BRCA1: variants seen among roughly 807,000 people sequenced by gnomAD.
BRCA1 encodes BRCA1 DNA repair associated, also known as breast cancer type 1 susceptibility protein.
In BRCA1, 140 loss-of-function variants were observed where a neutral mutation model predicts 173.7. That is an observed-to-expected ratio of 0.81 (90% CI 0.70 to 0.93). The LOEUF (loss-of-function observed/expected upper bound fraction) is 0.93, where lower values mean the gene tolerates loss of function less well. Among genes scored for constraint, BRCA1 ranks in the 40% least tolerant of loss-of-function variants. The pLI is 0.00. For missense variants in BRCA1, 1,983 were observed against 2,172.5 expected, an observed-to-expected ratio of 0.91 and a Z score of 1.73; for synonymous variants, 662 against 756.0, an observed-to-expected ratio of 0.88 and a Z score of 2.04.
At chr17:43,163,321 A>G (rs2056248050) in intron 1 of BRCA1, 1 of 152,214 alleles carries the variant, frequency 6.6e-6, no homozygotes, top group Non-Finnish European at 1.5e-5. Context: ...GAGTGTAAAG[A>G]GTTTTGTCAG....
Position 43,100,675 on chromosome 17 carries a change from T to TA in BRCA1, c.442-796dup, listed in dbSNP as rs1567807687. On this transcript the variant is annotated intron_variant, in intron 6 of 22. Transcript: ENST00000357654. ...TATATAACATATATATATATATATA[T>TA]ATAATATATATATATATATATATAT... is the stretch of plus-strand genomic sequence containing the variant. 9.6e-4 allele frequency among the ~76,000 whole-genome samples: 15 copies of TA among 15,546 alleles called. 1 individual carries two copies. Among genetic ancestry groups the TA allele is most frequent in the African/African-American group, 5.5e-3 (12 of 2,180 alleles). 10.2% of individuals were successfully genotyped at this position (15,546 alleles called of 152,430 possible). A position where few individuals can be genotyped will look rare whatever the true frequency, so the allele number is the denominator to read the frequency against.
upstream of BRCA1, among the ~76,000 whole-genome samples, chr17:43,127,103 C>T (rs2055904820): frequency 6.6e-6 from 1 of 152,238 alleles, no homozygotes; most frequent in Non-Finnish European, 1.5e-5. Context: ...AGCCCCCTCC[C>T]AACCCCTGTG....
chr17:43,104,007 T>C lies in BRCA1; in HGVS notation c.441+115A>G. 4 of 1,335,774 alleles carry C rather than the reference T, an allele frequency of 3.0e-6. No individual in the cohort carries two copies. In the South Asian group the frequency reaches 5.1e-5, roughly 17 times the overall value. The allele number at this position is 1,335,774 out of a possible 1,614,324, so 82.7% of individuals were successfully genotyped here. A position where few individuals can be genotyped will look rare whatever the true frequency, so the allele number is the denominator to read the frequency against. ...CTGTAATCCCAGCTACTAAGGGGGC[T>C]AAGGCAGGAGGACTGCTTCTAGCCT... is the stretch of plus-strand genomic sequence containing the variant. On this transcript the variant is annotated intron_variant, in intron 6 of 22. Coordinates refer to ENST00000357654, the MANE Select transcript of BRCA1 (RefSeq NM_007294.4).
intron 11 of BRCA1, 75 bp downstream of exon 11, chr17:43,090,869 A>C: frequency 7.4e-7 from 1 of 1,350,302 alleles, no homozygotes; most frequent in South Asian, 1.2e-5. Context: ...AGCAAACCTA[A>C]GAATGTGGGA....
At chr17:43,116,300 T>A (rs1303717332) in intron 2 of BRCA1, among the ~76,000 whole-genome samples, 4 of 152,222 alleles carry the variant, frequency 2.6e-5, no homozygotes, top group Non-Finnish European at 2.9e-5. Context: ...ACCATCACCC[T>A]GGTCCAACAA....
intron 18 of BRCA1, among the ~76,000 whole-genome samples, chr17:43,061,153 A>C (rs2051734160): frequency 6.6e-6 from 1 of 151,920 alleles, no homozygotes; most frequent in Admixed American, 6.6e-5. Flanking sequence ...GAAATCAAAA[A>C]ACCACACTCA....
rs2154066200 is a variant in BRCA1, at chr17:43,076,551, G to A, written c.4421C>T (p.Ala1474Val). 1.2e-6 allele frequency: 2 copies of A among 1,613,582 alleles called. No homozygotes were observed. Among genetic ancestry groups the A allele is most frequent in the Non-Finnish European group, 1.7e-6 (2 of 1,179,730 alleles). The change falls in exon 13 of 23, where the codon GCT becomes GTT. Residue 1474 changes from alanine (A) to valine (V), a missense_variant. Physicochemically the swap from Ala to Val is moderately conservative, Grantham distance 64 (BLOSUM62 0). Transcript: ENST00000357654. ...ATCTGCAGACACCTCAAACTTGTCA[G>A]CAGAAAGGCCTTCTGGATTCTGGCT... The part of the protein sequence containing the change: ...PISQNPEGLS[A>V]DKFEVSADSS...
rs2050787450 is a variant in BRCA1, at chr17:43,044,478, C to G, written c.*1200G>C. 1 of 509,472 alleles carries G rather than the reference C, an allele frequency of 2.0e-6. No homozygotes were observed. The highest frequency in any genetic ancestry group is 1.5e-5 in the South Asian group (1 of 64,928). 31.6% of individuals were successfully genotyped at this position (509,472 alleles called of 1,614,324 possible). A position where few individuals can be genotyped will look rare whatever the true frequency, so the allele number is the denominator to read the frequency against. On this transcript the variant is annotated 3_prime_UTR_variant, in exon 23 of 23. Coordinates refer to ENST00000357654, the MANE Select transcript of BRCA1 (RefSeq NM_007294.4). ...TGAAAAACACTTTTTCTTCCTTCAGCAAGCAAAATTATTTATGAAGCTGTA... is the reference window on the plus strand; with the variant it reads ...TGAAAAACACTTTTTCTTCCTTCAGGAAGCAAAATTATTTATGAAGCTGTA...
At chr17:43,115,562 C>T (rs2055228586) in intron 3 of BRCA1, among the ~76,000 whole-genome samples, 164 bp downstream of exon 3, 1 of 151,356 alleles carries the variant, frequency 6.6e-6, no homozygotes, top group Middle Eastern at 3.2e-3. Flanking sequence ...TTACAACCAA[C>T]TTTTGATAAC....
intron 1 of BRCA1, among the ~76,000 whole-genome samples, chr17:43,133,637 C>CTT (rs34083503): frequency 0.13 from 17,968 of 138,578 alleles, 1,482 homozygotes; most frequent in South Asian, 0.29. Context: ...TTTTCACTTC[C>CTT]TTTTTTTTTT....
intron 11 of BRCA1, among the ~76,000 whole-genome samples, chr17:43,087,761 G>T (rs181758527): frequency 1.3e-5 from 2 of 151,992 alleles, no homozygotes; most frequent in Admixed American, 1.3e-4. Context: ...TTGAGACAGG[G>T]TCTCACCATA....
In BRCA1 at chr17:43,099,629, T is replaced by A. The variant is rs8176140; in HGVS notation, c.547+146A>T. ...AGGTGGGAACTGCGTCTTTTACATT[T>A]TTTATAACTCACCATAGGGCTCATA... On this transcript the variant is annotated intron_variant, in intron 7 of 22. Transcript: ENST00000357654. 0.34 allele frequency: 226,022 copies of A among 660,192 alleles called. 40,347 individuals carry two copies. The highest frequency in any genetic ancestry group is 0.5 in the South Asian group (30,338 of 60,544). The allele number at this position is 660,192 out of a possible 1,614,324, so 40.9% of individuals were successfully genotyped here. A position where few individuals can be genotyped will look rare whatever the true frequency, so the allele number is the denominator to read the frequency against.
At chr17:43,131,272 T>A (rs2055962888) in intron 1 of BRCA1, 1 of 414,088 alleles carries the variant, frequency 2.4e-6, no homozygotes, top group Admixed American at 2.6e-5. Flanking sequence ...GATGAAGAGG[T>A]AAAGTATATT....
chr17:43,094,316 TGATTCA>T lies in BRCA1; in HGVS notation c.1209_1214del (p.Glu404_Ser405del). ...CCAATACATCAGCTACTTTGGCATT[TGATTCA>T]GACTCCCCATCATGTGAGTCATCAG... On this transcript the variant is annotated inframe_deletion, in exon 10 of 23. Transcript: ENST00000357654. The T allele has an allele frequency of 6.2e-7, 1 of 1,614,206 alleles. No individual in the cohort carries two copies. Among genetic ancestry groups the T allele is most frequent in the East Asian group, 2.2e-5 (1 of 44,876 alleles).
chr17:43,094,294 A>C lies in BRCA1; in HGVS notation c.1237T>G (p.Leu413Val), dbSNP rs574008372. The C allele has an allele frequency of 1.9e-6, 3 of 1,614,148 alleles. No individual in the cohort carries two copies. The highest frequency in any genetic ancestry group is 2.5e-6 in the Non-Finnish European group (3 of 1,180,032). Residue 413 changes from leucine to valine, a missense_variant, in exon 10 of 23, where the codon TTG becomes GTG. Coordinates refer to ENST00000357654, the MANE Select transcript of BRCA1 (RefSeq NM_007294.4). ...SESNAKVADV[L>V]DVLNEVDEYS... ...TCATCTACCTCATTTAGAACGTCCA[A>C]TACATCAGCTACTTTGGCATTTGAT...
At chr17:43,137,431 A>AT (rs1428119799) in intron 1 of BRCA1, among the ~76,000 whole-genome samples, 2 of 141,706 alleles carry the variant, frequency 1.4e-5, no homozygotes, top group African/African-American at 6.3e-5. Context: ...TATAATAATA[A>AT]TTAAAAAAAA....
intron 20 of BRCA1, among the ~76,000 whole-genome samples, chr17:43,049,843 G>A (rs1045683397): frequency 2.0e-5 from 3 of 152,174 alleles, no homozygotes; most frequent in Non-Finnish European, 2.9e-5. Flanking sequence ...ATTCATGTAT[G>A]TTGCTCTTTC....
chr17:43,071,232 G>A lies in BRCA1; in HGVS notation c.4682C>T (p.Thr1561Ile), dbSNP rs56158747. The A allele has an allele frequency of 2.3e-4, 376 of 1,614,076 alleles. 2 individuals carry two copies. In the African/African-American group the frequency reaches 4.3e-3, roughly 18 times the overall value. ...GCTGATTCCAGATTCCAGGTAAGGG[G>A]TTCCCTCTGAAAGGAATGGGAGAAG... Reference protein sequence around the residue: ...SYLPRQDLEGTPYLESGISLF... With the variant: ...SYLPRQDLEGIPYLESGISLF... The change falls in exon 15 of 23, where the codon ACC becomes ATC. Residue 1561 changes from threonine to isoleucine, a missense_variant. Physicochemically the swap from Thr to Ile is moderately conservative, Grantham distance 89. Coordinates refer to ENST00000357654, the MANE Select transcript of BRCA1 (RefSeq NM_007294.4).
In BRCA1 at chr17:43,067,625, T is replaced by C. The variant is rs730882166; in HGVS notation, c.5057A>G (p.His1686Arg). The stretch of plus-strand genomic sequence containing the variant: ...TGGTATACCTGTTTTCATAACAACA[T>C]GAGTAGTCTCTTCAGTAATTAGATT... ...LTNLITEETT[H>R]VVMKTDAEFV... is the part of the protein sequence containing the mutation. Residue 1686 changes from histidine (H) to arginine (R), a missense_variant, in exon 16 of 23, where the codon CAT (histidine) becomes CGT (arginine). His to Arg is a conservative substitution (Grantham distance 29, BLOSUM62 0). Transcript: ENST00000357654. 1.2e-6 allele frequency: 2 copies of C among 1,612,174 alleles called. No homozygotes were observed. Among genetic ancestry groups the C allele is most frequent in the Non-Finnish European group, 1.7e-6 (2 of 1,178,240 alleles).
Sources: gnomAD v4.1 joint callset for allele counts (sites outside exome capture counted in the v4.1 genomes callset) on GRCh38, gnomAD v4.1.1 for gene constraint, MANE v1.5 for transcripts, NCBI Gene and HGNC (gene_info 2026-07-23, HGNC 2026-07-21) for gene names.